The following DIS3L2 variants were observed in gnomAD, a reference collection of about 807,000 sequenced individuals.
DIS3L2 encodes DIS3-like exonuclease 2.
Under a neutral mutation model 97.5 loss-of-function variants are expected in DIS3L2, and 34 were observed. That is an observed-to-expected ratio of 0.35 (90% CI 0.27 to 0.46). DIS3L2 has a LOEUF of 0.46. Among genes scored for constraint, DIS3L2 ranks in the 20% least tolerant of loss-of-function variants. The probability of loss-of-function intolerance (pLI) is 1.00; values close to 1 mark genes in which losing one functional copy is unlikely to be tolerated. For synonymous variants in DIS3L2, 435 were observed against 445.2 expected, an observed-to-expected ratio of 0.98 and a Z score of 0.29; for missense variants, 1,038 against 1,146.0, an observed-to-expected ratio of 0.91 and a Z score of 1.36.
intron 6 of DIS3L2, among the ~76,000 whole-genome samples, chr2:232,115,810 T>C (rs991632163): frequency 1.3e-5 from 2 of 152,194 alleles, no homozygotes; most frequent in Non-Finnish European, 2.9e-5. Flanking sequence ...GTGAGTCAAT[T>C]AAACCTCTTT....
At chr2:232,266,930 C>T (rs1466879673) in intron 13 of DIS3L2, among the ~76,000 whole-genome samples, 1 of 152,204 alleles carries the variant, frequency 6.6e-6, no homozygotes, top group African/African-American at 2.4e-5. Context: ...CCACAAGTTT[C>T]ACCTTTCCAA....
chr2:232,324,442 C>G (rs1695519902), intron 14 of DIS3L2, among the ~76,000 whole-genome samples: 1 of 152,130 alleles, frequency 6.6e-6, no homozygotes, highest in Non-Finnish European at 1.5e-5. Context: ...TGTTTCTGTC[C>G]CACATTTGCC....
At chr2:232,031,796 C>A (rs1694811341) in intron 5 of DIS3L2, among the ~76,000 whole-genome samples, 1 of 152,128 alleles carries the variant, frequency 6.6e-6, no homozygotes, top group African/African-American at 2.4e-5. Context: ...ATGATGGTTT[C>A]CAGCTTCATC....
chr2:231,962,419 T>C (rs1301398932), intron 1 of DIS3L2, among the ~76,000 whole-genome samples: 1 of 150,404 alleles, frequency 6.6e-6, no homozygotes, highest in African/African-American at 2.5e-5. Flanking sequence ...TCCAGTAGTC[T>C]ACAGTGTCTA....
At chr2:232,242,016 T>C (rs554735713) in intron 11 of DIS3L2, among the ~76,000 whole-genome samples, 2 of 152,360 alleles carry the variant, frequency 1.3e-5, no homozygotes, top group Admixed American at 1.3e-4. Flanking sequence ...CCTGTCTTAA[T>C]GTAGAGTCCA....
intron 1 of DIS3L2, among the ~76,000 whole-genome samples, chr2:231,967,001 C>T (rs1692741136): frequency 6.6e-6 from 1 of 152,134 alleles, no homozygotes; most frequent in Non-Finnish European, 1.5e-5. Flanking sequence ...GTTTAGTCAA[C>T]TGTTAGTCCA....
intron 5 of DIS3L2, among the ~76,000 whole-genome samples, chr2:232,086,848 T>G (rs1369785073): frequency 6.6e-6 from 1 of 150,790 alleles, no homozygotes; most frequent in Non-Finnish European, 1.5e-5. Context: ...CCTGGCTAAT[T>G]TTTTTATATT....
At chr2:232,112,328 C>G (rs1697562107) in intron 6 of DIS3L2, among the ~76,000 whole-genome samples, 1 of 152,214 alleles carries the variant, frequency 6.6e-6, no homozygotes, top group Non-Finnish European at 1.5e-5. Flanking sequence ...TGCTATTTTA[C>G]AACTTTAAAA....
intron 9 of DIS3L2, among the ~76,000 whole-genome samples, chr2:232,189,675 A>G (rs1691557573): frequency 6.6e-6 from 1 of 152,218 alleles, no homozygotes; most frequent in Non-Finnish European, 1.5e-5. Context: ...ATGAACCTAC[A>G]TATGTAATAA....
chr2:232,287,396 C>CG (rs1425560456), intron 13 of DIS3L2, among the ~76,000 whole-genome samples: 1 of 63,930 alleles, frequency 1.6e-5, no homozygotes, highest in Non-Finnish European at 3.1e-5. Context: ...GCGCCCCCCC[C>CG]CCCCCCCGCT....
At chr2:232,339,769 C>G (rs112451654), downstream of DIS3L2, 1 of 454,356 alleles carries the variant, frequency 2.2e-6, no homozygotes, top group Non-Finnish European at 4.4e-6. Context: ...CTTTTGGGAG[C>G]GCAGGCAGGA....
chr2:232,069,093 A>G (rs1695938934), intron 5 of DIS3L2, among the ~76,000 whole-genome samples: 1 of 152,268 alleles, frequency 6.6e-6, no homozygotes, highest in African/African-American at 2.4e-5. Flanking sequence ...CTGGGATTAC[A>G]TGCGTGAGCC....
chr2:232,167,565 A>G (rs1393329426), intron 9 of DIS3L2, among the ~76,000 whole-genome samples: 1 of 152,250 alleles, frequency 6.6e-6, no homozygotes, highest in Non-Finnish European at 1.5e-5. Flanking sequence ...AGCTGTGCTT[A>G]CAAAATCCTA....
rs573895005 is a variant in DIS3L2, at chr2:232,038,624, A to G, written c.366+8544A>G. ...TGTTGCATTGTTTTCCTTGTTTCTC[A>G]CCCCCTTTATTGATAAGACAGTCAG... On this transcript the variant is annotated intron_variant, in intron 5 of 20. Coordinates refer to ENST00000325385, the MANE Select transcript of DIS3L2 (RefSeq NM_152383.5). Among the ~76,000 whole-genome samples the G allele has an allele frequency of 3.3e-5, 5 of 152,242 alleles. No individual in the cohort carries two copies. The South Asian group carries it at 1.0e-3, about 32-fold the overall frequency.
chr2:232,052,328 T>C (rs1695434142), intron 5 of DIS3L2, among the ~76,000 whole-genome samples: 2 of 152,154 alleles, frequency 1.3e-5, no homozygotes, highest in Non-Finnish European at 2.9e-5. Flanking sequence ...CCAGCCTCCT[T>C]CTTAATTTCT....
At chr2:232,074,563 C>T (rs563018845) in intron 5 of DIS3L2, among the ~76,000 whole-genome samples, 50 of 137,880 alleles carry the variant, frequency 3.6e-4, no homozygotes, top group African/African-American at 1.2e-3. Flanking sequence ...ATAGCCCCAT[C>T]AAGGAACCTT....
At chr2:232,044,435 C>T (rs763294247) in intron 5 of DIS3L2, among the ~76,000 whole-genome samples, 2 of 152,030 alleles carry the variant, frequency 1.3e-5, no homozygotes, top group Non-Finnish European at 2.9e-5. Context: ...TGGGGTGACT[C>T]CTACATGTTA....
Position 232,270,874 on chromosome 2 carries a change from C to CTCTCTCTCTT in DIS3L2, c.1659+7443_1659+7444insTTCTCTCTCT, listed in dbSNP as rs1553542459. 1.1e-4 allele frequency among the ~76,000 whole-genome samples: 12 copies of CTCTCTCTCTT among 108,282 alleles called. No homozygotes were observed. In the East Asian group the frequency reaches 2.2e-3, roughly 20 times the overall value. 71.0% of individuals were successfully genotyped at this position (108,282 alleles called of 152,430 possible). A position where few individuals can be genotyped will look rare whatever the true frequency, so the allele number is the denominator to read the frequency against. On this transcript the variant is annotated intron_variant, in intron 13 of 20. Coordinates refer to ENST00000325385, the MANE Select transcript of DIS3L2 (RefSeq NM_152383.5). ...CTCTTTTTCTCGTCTCTCTCTCTCT[C>CTCTCTCTCTT]TCTCTCTCTCTCTCTCTCTCTCTCT...
chr2:232,310,834 C>T (rs759303332), intron 14 of DIS3L2, among the ~76,000 whole-genome samples: 17 of 152,222 alleles, frequency 1.1e-4, no homozygotes, highest in Non-Finnish European at 7.3e-5. Flanking sequence ...GGCAGCAAGG[C>T]CTGGGGCAGC....
Sources: gnomAD v4.1 joint callset for allele counts (sites outside exome capture counted in the v4.1 genomes callset) on GRCh38, gnomAD v4.1.1 for gene constraint, MANE v1.5 for transcripts, NCBI Gene and HGNC (gene_info 2026-07-23, HGNC 2026-07-21) for gene names.